RASGEF1C: variants seen among roughly 807,000 people sequenced by gnomAD.
RASGEF1C encodes the protein ras-GEF domain-containing family member 1C.
In RASGEF1C, 27 loss-of-function variants were observed where a neutral mutation model predicts 58.1. The ratio of observed to expected loss-of-function variants is 0.46; its 90% CI spans 0.34 to 0.64. RASGEF1C has a LOEUF of 0.64. Among genes scored for constraint, RASGEF1C ranks in the 30% least tolerant of loss-of-function variants. The probability of loss-of-function intolerance (pLI) is 0.01; values close to 1 mark genes in which losing one functional copy is unlikely to be tolerated. For synonymous variants in RASGEF1C, 243 were observed against 246.3 expected (o/e 0.99, Z 0.13); for missense variants, 502 against 605.1 (o/e 0.83, Z 1.79).
intron 1 of RASGEF1C, among the ~76,000 whole-genome samples, chr5:180,173,287 C>T (rs1416631203): frequency 6.6e-6 from 1 of 152,184 alleles, no homozygotes; most frequent in South Asian, 2.1e-4. Flanking sequence ...AAGGGCTGCC[C>T]CTCGACCTGG....
At chr5:180,173,676 A>T (rs1767152120) in intron 1 of RASGEF1C, among the ~76,000 whole-genome samples, 1 of 151,434 alleles carries the variant, frequency 6.6e-6, no homozygotes, top group Non-Finnish European at 1.5e-5. Flanking sequence ...GCACTTTGGG[A>T]GGCCAAGGTG....
intron 4 of RASGEF1C, among the ~76,000 whole-genome samples, chr5:180,136,015 T>TGGGGCA (rs1167358523): frequency 2.0e-5 from 3 of 152,120 alleles, no homozygotes; most frequent in Admixed American, 2.0e-4. Flanking sequence ...GCACGGGAAG[T>TGGGGCA]GGGGCAGGGG....
In RASGEF1C at chr5:180,196,619, T is replaced by G. The variant is rs78678490; in HGVS notation, c.-7+12409A>C. Among the ~76,000 whole-genome samples, 22 of 152,336 alleles carry G rather than the reference T, an allele frequency of 1.4e-4. No individual in the cohort carries two copies. In the East Asian group the frequency reaches 4.0e-3, roughly 28 times the overall value. On this transcript the variant is annotated intron_variant, in intron 1 of 13. Transcript: ENST00000361132. ...TGTTTGTTCATTTTTCTCTGAAGTA[T>G]ATCAAATGTATTGGTACGAGGTTCT...
At chr5:180,202,369 TAAAAG>T (rs775801636) in intron 1 of RASGEF1C, among the ~76,000 whole-genome samples, 1 of 152,072 alleles carries the variant, frequency 6.6e-6, no homozygotes, top group Non-Finnish European at 1.5e-5. Context: ...GTTTTAGAAA[TAAAAG>T]AAGACTTAAA....
chr5:180,133,782 T>C (rs1431685598), intron 4 of RASGEF1C, among the ~76,000 whole-genome samples: 1 of 151,974 alleles, frequency 6.6e-6, no homozygotes, highest in Non-Finnish European at 1.5e-5. Context: ...TTCTTCACTT[T>C]TGTATGTTTG....
chr5:180,181,922 G>T (rs1581123882), intron 1 of RASGEF1C, among the ~76,000 whole-genome samples: 1 of 152,126 alleles, frequency 6.6e-6, no homozygotes, highest in South Asian at 2.1e-4. Flanking sequence ...TGAAGCCATG[G>T]GCCGGGCGCA....
At position 180,112,917 on chromosome 5, in the gene RASGEF1C, A is replaced by AAGGATGGACG. The variant is rs1561730770; in HGVS notation, c.1180-1338_1180-1337insCGTCCATCCT. 2.9e-4 allele frequency among the ~76,000 whole-genome samples: 11 copies of AAGGATGGACG among 37,354 alleles called. 3 individuals carry two copies. In the East Asian group the frequency reaches 7.4e-3, roughly 25 times the overall value. The allele number at this position is 37,354 out of a possible 152,430, so 24.5% of individuals were successfully genotyped here. On this transcript the variant is annotated intron_variant, in intron 11 of 13. Transcript: ENST00000361132. ...ATGGACGGAGGGACCGTGGATGGAC[A>AAGGATGGACG]GAGGGATCCGGGATGGACGGAGGGA...
chr5:180,132,670 G>A (rs779033809), intron 4 of RASGEF1C, among the ~76,000 whole-genome samples: 5 of 152,188 alleles, frequency 3.3e-5, no homozygotes, highest in East Asian at 1.9e-4. Context: ...CCGTGTGGGC[G>A]AGTTAGAAAG....
At chr5:180,169,839 C>T (rs995095594) in intron 1 of RASGEF1C, among the ~76,000 whole-genome samples, 23 of 150,814 alleles carry the variant, frequency 1.5e-4, no homozygotes, top group Non-Finnish European at 5.9e-5. Context: ...CCTCAGTTCT[C>T]CCCTCGCCCT....
rs1176522403 is a variant in RASGEF1C, at chr5:180,198,020, T to G, written c.-7+11008A>C. Among the ~76,000 whole-genome samples, 1 of 152,220 alleles carries G rather than the reference T, an allele frequency of 6.6e-6. No homozygotes were observed. Among genetic ancestry groups the G allele is most frequent in the Admixed American group, 6.5e-5 (1 of 15,276 alleles). ...CAACAGCGGTGCCTGAGTTAGCGTA[T>G]TCCAAATTCATAAACCAAGGTGACC... On this transcript the variant is annotated intron_variant, in intron 1 of 13. Transcript: ENST00000361132. The surrounding 1 kb of genome is among the most constrained non-coding windows in gnomAD (Gnocchi z 4.5).
intron 12 of RASGEF1C, among the ~76,000 whole-genome samples, chr5:180,110,579 A>T (rs922950888): frequency 6.6e-6 from 1 of 151,910 alleles, no homozygotes; most frequent in Admixed American, 6.5e-5. Flanking sequence ...CTTCTCTACC[A>T]CTTCTGCTTC....
At chr5:180,206,183 A>C (rs1414403740) in intron 1 of RASGEF1C, among the ~76,000 whole-genome samples, 4 of 152,222 alleles carry the variant, frequency 2.6e-5, no homozygotes, top group Non-Finnish European at 5.9e-5. Flanking sequence ...TGCATTTCAG[A>C]TCACTGGAGG....
chr5:180,119,715 T>C (rs1036295807), intron 7 of RASGEF1C, among the ~76,000 whole-genome samples: 9 of 151,934 alleles, frequency 5.9e-5, no homozygotes, highest in Non-Finnish European at 1.3e-4. Flanking sequence ...AGAGGCTCCA[T>C]GGCTCCCCTC....
At chr5:180,109,390 G>A (rs1171842290) in intron 12 of RASGEF1C, among the ~76,000 whole-genome samples, 5 of 152,240 alleles carry the variant, frequency 3.3e-5, no homozygotes, top group South Asian at 4.1e-4. Context: ...CCCGGGAGGC[G>A]GAGCTTGCAG....
chr5:180,209,046 A>C lies in RASGEF1C; in HGVS notation c.-25T>G, dbSNP rs1160435992. ...CACTCACCGGCTCCCGGCGCGCCGG[A>C]ACTCCGGGCCCGGCCCATGGGCAGC... On this transcript the variant is annotated 5_prime_UTR_variant, in exon 1 of 14. Transcript: ENST00000361132. The C allele has an allele frequency of 2.2e-4, 31 of 142,722 alleles. No homozygotes were observed. Among genetic ancestry groups the C allele is most frequent in the African/African-American group, 7.6e-4 (30 of 39,544 alleles). 8.8% of individuals were successfully genotyped at this position (142,722 alleles called of 1,614,324 possible). A position where few individuals can be genotyped will look rare whatever the true frequency, so the allele number is the denominator to read the frequency against.
chr5:180,145,741 G>C (rs1241687406), intron 1 of RASGEF1C, among the ~76,000 whole-genome samples: 1 of 152,194 alleles, frequency 6.6e-6, no homozygotes, highest in African/African-American at 2.4e-5. Flanking sequence ...AGGAACAAAA[G>C]AGAAGCCGTG....
At chr5:180,126,867 T>TGCTA (rs1264427638) in intron 6 of RASGEF1C, among the ~76,000 whole-genome samples, 2 of 152,182 alleles carry the variant, frequency 1.3e-5, no homozygotes, top group Non-Finnish European at 2.9e-5. Context: ...AGAGCGTCGA[T>TGCTA]GCTAGTGCCA....
intron 4 of RASGEF1C, among the ~76,000 whole-genome samples, chr5:180,135,464 A>C (rs146773602): frequency 1.3e-5 from 2 of 152,310 alleles, no homozygotes; most frequent in African/African-American, 4.8e-5. Context: ...AGGACGGTCA[A>C]CATGTGCCCC....
chr5:180,208,804 T>C (rs1756540868), intron 1 of RASGEF1C, among the ~76,000 whole-genome samples: 1 of 151,464 alleles, frequency 6.6e-6, no homozygotes, highest in Admixed American at 6.6e-5. Context: ...TCCCGCCAGG[T>C]GGCCGGGGGT....
Sources: gnomAD v4.1 joint callset for allele counts (sites outside exome capture counted in the v4.1 genomes callset) on GRCh38, gnomAD v4.1.1 for gene constraint, Gnocchi (gnomAD v3.1) non-coding constraint, MANE v1.5 for transcripts, NCBI Gene and HGNC (gene_info 2026-07-23, HGNC 2026-07-21) for gene names.